The following VWF variants were observed in gnomAD, a reference collection of about 807,000 sequenced individuals.
VWF encodes von Willebrand factor, also known as Factor VIII related antigen.
A neutral mutation model predicts 308.6 loss-of-function variants in VWF; 176 were observed. The observed-to-expected ratio is 0.57, with a 90% CI of 0.50 to 0.65. VWF has a LOEUF of 0.65. Ranked by LOEUF, VWF falls within the 30% of genes least tolerant of loss-of-function variation. The pLI is 0.00. For missense variants in VWF, 3,146 were observed against 3,648.2 expected (o/e 0.86, Z 3.55); for synonymous variants, 1,385 against 1,443.4 (o/e 0.96, Z 0.92).
At chr12:6,027,830 C>G (rs1226598508) in intron 22 of VWF, among the ~76,000 whole-genome samples, 1 of 140,736 alleles carries the variant, frequency 7.1e-6, no homozygotes, top group African/African-American at 2.7e-5. Flanking sequence ...AATAAAAAAA[C>G]AAATACATGG....
chr12:6,002,541 G>C (rs1943882150), intron 34 of VWF, among the ~76,000 whole-genome samples: 1 of 151,892 alleles, frequency 6.6e-6, no homozygotes, highest in South Asian at 2.1e-4. Flanking sequence ...TGAAAATCTA[G>C]ATGAAATGGA....
chr12:6,055,761 T>TACTC (rs1944571377), intron 15 of VWF, among the ~76,000 whole-genome samples: 1 of 135,246 alleles, frequency 7.4e-6, no homozygotes, highest in African/African-American at 2.8e-5. Context: ...TATATATGTA[T>TACTC]ACACACACAC....
intron 47 of VWF, among the ~76,000 whole-genome samples, chr12:5,965,887 T>G (rs1943396273): frequency 1.3e-5 from 2 of 151,896 alleles, no homozygotes; most frequent in Admixed American, 6.6e-5. Flanking sequence ...AGAGAGGAGG[T>G]GGCTTGCACT....
chr12:6,109,172 G>C (rs1224368659), intron 5 of VWF, among the ~76,000 whole-genome samples: 1 of 151,868 alleles, frequency 6.6e-6, no homozygotes, highest in Non-Finnish European at 1.5e-5. Flanking sequence ...TTGAGCCCAA[G>C]AGTTCAAGAT....
intron 43 of VWF, among the ~76,000 whole-genome samples, chr12:5,972,104 C>T (rs1316693289): frequency 1.3e-5 from 2 of 152,180 alleles, no homozygotes; most frequent in South Asian, 2.1e-4. Flanking sequence ...TCTCCACTCT[C>T]GCAGGGCTAG....
At chr12:5,961,589 CAAA>C (rs71445686) in intron 47 of VWF, among the ~76,000 whole-genome samples, 2 of 124,850 alleles carry the variant, frequency 1.6e-5, no homozygotes, top group Non-Finnish European at 1.7e-5. Flanking sequence ...TCTGCCCCCT[CAAA>C]AAAAAAAAAA....
In VWF at chr12:5,996,234, G is replaced by A. The variant is rs1943807442; in HGVS notation, c.5843-12C>T. ...GCCTGTGCACACGCCTGGACAGAGA[G>A]AAGCAGAGGATGGATGCGACGTTAT... On this transcript the variant is annotated splice_polypyrimidine_tract_variant and intron_variant, in intron 34 of 51. Transcript: ENST00000261405. The A allele has an allele frequency of 6.2e-7, 1 of 1,606,064 alleles. No homozygotes were observed. Among genetic ancestry groups the A allele is most frequent in the African/African-American group, 1.3e-5 (1 of 74,798 alleles).
At position 5,976,176 on chromosome 12, in the gene VWF, C is replaced by G; in HGVS notation, c.7372G>C (p.Asp2458His). ...GCCACGCGGAGGCCCATCACGGCAT[C>G]CTCCATGTCGGTGCAGGTGCACACA... ...CDVCTCTDME[D>H]AVMGLRVAQC... The change falls in exon 43 of 52, where the codon GAT becomes CAT. Residue 2458 changes from aspartate to histidine, a missense_variant. By Grantham distance (81) the Asp-to-His change is moderately conservative. This residue lies in a region of VWF where 989 missense variants were observed against 1,117.4 expected (regional missense o/e 0.89). Transcript: ENST00000261405. The G allele has an allele frequency of 6.2e-7, 1 of 1,614,148 alleles. No individual in the cohort carries two copies. Among genetic ancestry groups the G allele is most frequent in the South Asian group, 1.1e-5 (1 of 91,086 alleles).
chr12:5,994,338 A>G, intron 36 of VWF, 77 bp downstream of exon 36: 1 of 1,598,682 alleles, frequency 6.3e-7, no homozygotes, highest in Non-Finnish European at 8.6e-7. Flanking sequence ...ATAAGCATCC[A>G]AGAGCCTCAG....
At chr12:5,965,035 G>A (rs371338249) in intron 47 of VWF, among the ~76,000 whole-genome samples, 3 of 152,320 alleles carry the variant, frequency 2.0e-5, no homozygotes, top group African/African-American at 7.2e-5. Context: ...GACTTGTTTG[G>A]GCACTGCTGG....
intron 13 of VWF, among the ~76,000 whole-genome samples, chr12:6,059,439 G>A (rs1944630215): frequency 6.6e-6 from 1 of 152,202 alleles, no homozygotes; most frequent in Admixed American, 6.5e-5. Flanking sequence ...AGCCCTTCCA[G>A]GCTGCTATAA....
chr12:6,073,900 C>G (rs547296066), intron 7 of VWF, among the ~76,000 whole-genome samples, 159 bp from the exon 8 acceptor site: 1 of 152,174 alleles, frequency 6.6e-6, no homozygotes, highest in Non-Finnish European at 1.5e-5. Context: ...CACGTGCCCC[C>G]CTGAGGCCAC....
intron 6 of VWF, among the ~76,000 whole-genome samples, chr12:6,081,340 T>G (rs941849952): frequency 2.0e-5 from 3 of 149,556 alleles, no homozygotes; most frequent in Non-Finnish European, 1.5e-5. Flanking sequence ...GTGTTTTTTG[T>G]TTTGTTTTGT....
intron 1 of VWF, among the ~76,000 whole-genome samples, chr12:6,123,424 G>A (rs543977554): frequency 3.0e-4 from 45 of 152,282 alleles, no homozygotes; most frequent in African/African-American, 9.6e-4. Context: ...GGACCTGTGG[G>A]CACCTTTCCA....
At chr12:6,018,177 TCA>T (rs931768386) in intron 28 of VWF, among the ~76,000 whole-genome samples, 186 bp downstream of exon 28, 3 of 151,790 alleles carry the variant, frequency 2.0e-5, no homozygotes, top group Non-Finnish European at 4.4e-5. Context: ...CGAAAAAGGA[TCA>T]CAGTTTGTCT....
chr12:6,004,451 G>A (rs1408800712), intron 34 of VWF, among the ~76,000 whole-genome samples: 1 of 152,106 alleles, frequency 6.6e-6, no homozygotes, highest in Non-Finnish European at 1.5e-5. Context: ...CATGATATGT[G>A]TGTGCACGTG....
In VWF at chr12:6,021,685, A is replaced by G. The variant is rs866045195; in HGVS notation, c.3674+215T>C. On this transcript the variant is annotated intron_variant, in intron 27 of 51. Transcript: ENST00000261405. ...GTGGAGGAATATATGTGGAGGAAGC[A>G]GTCTAGTCCATCCCTAAAGAAAAAG... The G allele has an allele frequency of 4.6e-5, 27 of 581,022 alleles. No homozygotes were observed. The African/African-American group carries it at 4.9e-4, about 11-fold the overall frequency. The allele number at this position is 581,022 out of a possible 1,614,324, so 36.0% of individuals were successfully genotyped here. A position where few individuals can be genotyped will look rare whatever the true frequency, so the allele number is the denominator to read the frequency against.
chr12:6,044,191 G>T, intron 18 of VWF, 100 bp downstream of exon 18: 1 of 1,466,152 alleles, frequency 6.8e-7, no homozygotes, highest in Non-Finnish European at 9.3e-7. Context: ...TCCGTGTTTA[G>T]CCCTTGTTTC....
chr12:6,044,684 C>A (rs1367519880), intron 17 of VWF, among the ~76,000 whole-genome samples: 2 of 152,220 alleles, frequency 1.3e-5, no homozygotes, highest in African/African-American at 4.8e-5. Flanking sequence ...CTGACCCCAG[C>A]TCTCATCTAA....
Sources: gnomAD v4.1 joint callset for allele counts (sites outside exome capture counted in the v4.1 genomes callset) on GRCh38, gnomAD v4.1.1 for gene constraint, gnomAD v4.1.1 regional missense constraint, MANE v1.5 for transcripts, NCBI Gene and HGNC (gene_info 2026-07-23, HGNC 2026-07-21) for gene names.